Variants in ABCB9 observed in about 807,000 individuals in gnomAD.
ABCB9 encodes ABC-type oligopeptide transporter ABCB9.
Under a neutral mutation model 62.0 loss-of-function variants are expected in ABCB9, and 36 were observed. The ratio of observed to expected loss-of-function variants is 0.58; its 90% CI spans 0.45 to 0.77. The LOEUF (loss-of-function observed/expected upper bound fraction) is 0.77. Among genes scored for constraint, ABCB9 ranks in the 30% least tolerant of loss-of-function variants. ABCB9 has a pLI of 0.00. For synonymous variants in ABCB9, 435 were observed against 461.4 expected, an observed-to-expected ratio of 0.94 and a Z score of 0.73; for missense variants, 943 against 1,054.7, an observed-to-expected ratio of 0.89 and a Z score of 1.47.
chr12:122,960,450 C>T (rs2036834046), intron 1 of ABCB9, 128 bp from the exon 2 acceptor site: 2 of 645,460 alleles, frequency 3.1e-6, no homozygotes, highest in Admixed American at 3.0e-5. Flanking sequence ...GCAATATCAA[C>T]TTCCCGGGTA....
exon 12 of ABCB9, chr12:122,920,973 C>T: frequency 6.6e-7 from 1 of 1,519,904 alleles, no homozygotes; most frequent in South Asian, 1.2e-5. Flanking sequence ...ATGTTTTATA[C>T]CTGAATGGTT....
chr12:122,932,031 C>A lies in ABCB9; in HGVS notation c.2040+161G>T, dbSNP rs537625776. On this transcript the variant is annotated intron_variant, in intron 11 of 11. Transcript: ENST00000280560. This position sits in a 1 kb window ranked among gnomAD's most constrained non-coding sequence, Gnocchi z 4.7. ...AGGCTGGGTCCAGAGTGGCTCCTGG[C>A]TCCCCACTCTCAACACCAGGAATTC... The A allele has an allele frequency of 4.6e-6, 6 of 1,300,732 alleles. No homozygotes were observed. Among genetic ancestry groups the A allele is most frequent in the Admixed American group, 4.1e-5 (2 of 48,254 alleles). The allele number at this position is 1,300,732 out of a possible 1,614,324, so 80.6% of individuals were successfully genotyped here. A position where few individuals can be genotyped will look rare whatever the true frequency, so the allele number is the denominator to read the frequency against.
At chr12:122,936,952 C>T (rs1426003698) in intron 9 of ABCB9, among the ~76,000 whole-genome samples, 1 of 150,602 alleles carries the variant, frequency 6.6e-6, no homozygotes, top group Non-Finnish European at 1.5e-5. Flanking sequence ...CACCTATAGT[C>T]CCTCAGGAGG....
At position 122,940,726 on chromosome 12, in the gene ABCB9, C is replaced by A; in HGVS notation, c.1569+81G>T. On this transcript the variant is annotated intron_variant, in intron 8 of 11. Transcript: ENST00000280560. The surrounding 1 kb of genome is among the most constrained non-coding windows in gnomAD (Gnocchi z 4.8). ...CCTGACATATTCCCAGCTGCCCTGCCACAGCCTGGTGTATAGGAGGTGCAC... is the reference window on the plus strand; with the variant it reads ...CCTGACATATTCCCAGCTGCCCTGCAACAGCCTGGTGTATAGGAGGTGCAC... The A allele has an allele frequency of 6.9e-7, 1 of 1,442,600 alleles. No homozygotes were observed. The highest frequency in any genetic ancestry group is 2.5e-5 in the East Asian group (1 of 40,686). The allele number at this position is 1,442,600 out of a possible 1,614,324, so 89.4% of individuals were successfully genotyped here. A position where few individuals can be genotyped will look rare whatever the true frequency, so the allele number is the denominator to read the frequency against.
At position 122,965,238 on chromosome 12, in the gene ABCB9, G is replaced by A. The variant is rs1267829133; in HGVS notation, c.-88+1049C>T. Among the ~76,000 whole-genome samples the A allele has an allele frequency of 2.6e-5, 4 of 152,174 alleles. No homozygotes were observed. In the East Asian group the frequency reaches 7.7e-4, roughly 29 times the overall value. On this transcript the variant is annotated intron_variant, in intron 1 of 11. Coordinates refer to ENST00000280560, the MANE Select transcript of ABCB9 (RefSeq NM_019625.4). ...TCCAGGGTCTCCAGGATGGAGACTC[G>A]GGGGTCCCCTGTCCAGGCTATTCAG...
At chr12:122,922,918 G>C (rs901873810) in intron 11 of ABCB9, among the ~76,000 whole-genome samples, 1 of 151,684 alleles carries the variant, frequency 6.6e-6, no homozygotes, top group Non-Finnish European at 1.5e-5. Context: ...CCCAGCCTTC[G>C]GAGTAGCTGA....
rs201836809 is a variant in ABCB9 at position 122,948,633 on chromosome 12, C to T, written c.1044G>A (p.Lys348=). The change falls in exon 5 of 12, where the codon AAG becomes AAA. Residue 348 remains lysine, a synonymous_variant. Transcript: ENST00000280560. ...IIMMVSNIYG[K]YYKRLSKEVQ... is the part of the protein sequence containing the mutation. ...GACAGGGCAGGCCTACCTTGTAGTA[C>T]TTGCCGTAGATGTTGGACACCATCA... The T allele has an allele frequency of 1.2e-5, 20 of 1,611,958 alleles. No homozygotes were observed. The East Asian group carries it at 3.8e-4, about 31-fold the overall frequency.
At position 122,960,009 on chromosome 12, in the gene ABCB9, G is replaced by A. The variant is rs777224432; in HGVS notation, c.227C>T (p.Pro76Leu). Residue 76 changes from proline to leucine, a missense_variant, in exon 2 of 12, where the codon CCC becomes CTC. Pro to Leu is a moderately conservative substitution (Grantham distance 98, BLOSUM62 -3). Coordinates refer to ENST00000280560, the MANE Select transcript of ABCB9 (RefSeq NM_019625.4). ...IGVAKNSALG[P>L]RRLRASWLVI... ...CAGCCACGAGGCCCGCAGCCGCCGG[G>A]GCCCCAGCGCACTGTTCTTGGCCAC... 2 of 1,613,326 alleles carry A rather than the reference G, an allele frequency of 1.2e-6. No individual in the cohort carries two copies. The highest frequency in any genetic ancestry group is 1.7e-6 in the Non-Finnish European group (2 of 1,180,036).
Position 122,932,041 on chromosome 12 carries a change from T to G in ABCB9, c.2040+151A>C. 7.1e-7 allele frequency: 1 copy of G among 1,402,210 alleles called. No homozygotes were observed. Among genetic ancestry groups the G allele is most frequent in the Non-Finnish European group, 9.7e-7 (1 of 1,032,418 alleles). The allele number at this position is 1,402,210 out of a possible 1,614,324, so 86.9% of individuals were successfully genotyped here. On this transcript the variant is annotated intron_variant, in intron 11 of 11. Transcript: ENST00000280560. This position sits in a 1 kb window ranked among gnomAD's most constrained non-coding sequence, Gnocchi z 4.7. ...CAGAGTGGCTCCTGGCTCCCCACTC[T>G]CAACACCAGGAATTCACCAGCCCAG...
chr12:122,921,025 G>C, exon 12 of ABCB9: 1 of 1,535,210 alleles, frequency 6.5e-7, no homozygotes, highest in Non-Finnish European at 8.7e-7. Flanking sequence ...TCTGATATCT[G>C]CAGGCTGGTC....
At chr12:122,956,403 G>A (rs1014250998) in intron 2 of ABCB9, among the ~76,000 whole-genome samples, 7 of 152,228 alleles carry the variant, frequency 4.6e-5, no homozygotes, top group African/African-American at 1.7e-4. Context: ...GTACAGGGCT[G>A]CAGAGTCAGG....
At chr12:122,958,350 A>G (rs1405108463) in intron 2 of ABCB9, among the ~76,000 whole-genome samples, 1 of 152,128 alleles carries the variant, frequency 6.6e-6, no homozygotes, top group Non-Finnish European at 1.5e-5. Flanking sequence ...TTAAGTGAAA[A>G]GAGCAAAACA....
downstream of ABCB9, among the ~76,000 whole-genome samples, chr12:122,928,675 G>A (rs965065353): frequency 2.6e-5 from 4 of 152,026 alleles, no homozygotes; most frequent in African/African-American, 9.7e-5. Flanking sequence ...TCGGGTGCCT[G>A]GGCCCCGATG....
At chr12:122,925,613 C>T (rs1203790998), downstream of ABCB9, among the ~76,000 whole-genome samples, 1 of 151,882 alleles carries the variant, frequency 6.6e-6, no homozygotes, top group Non-Finnish European at 1.5e-5. Context: ...CTGGGTGTGG[C>T]GGTGGGCGCC....
chr12:122,936,904 CAAA>C (rs35685959), intron 9 of ABCB9, among the ~76,000 whole-genome samples: 1 of 111,254 alleles, frequency 9.0e-6, no homozygotes, highest in Non-Finnish European at 1.9e-5. Flanking sequence ...AACTCCATCT[CAAA>C]AAAAAAAAAA....
downstream of ABCB9, chr12:122,928,939 G>T: frequency 2.1e-6 from 2 of 942,728 alleles, no homozygotes; most frequent in Non-Finnish European, 2.5e-6. Flanking sequence ...CCGTGGTCTG[G>T]TGGAAAAACC....
intron 9 of ABCB9, among the ~76,000 whole-genome samples, chr12:122,938,941 G>A (rs2035594481): frequency 1.3e-5 from 2 of 152,224 alleles, no homozygotes; most frequent in African/African-American, 4.8e-5. Flanking sequence ...GGAGGCCAAG[G>A]CAGGCTGATC....
rs566204796 is a variant in ABCB9 at position 122,944,971 on chromosome 12, T to TG, written c.1252-453dup. Among the ~76,000 whole-genome samples the TG allele has an allele frequency of 1.4e-4, 21 of 152,298 alleles. 1 individual carries two copies. The South Asian group carries it at 3.5e-3, about 26-fold the overall frequency. On this transcript the variant is annotated intron_variant, in intron 6 of 11. Coordinates refer to ENST00000280560, the MANE Select transcript of ABCB9 (RefSeq NM_019625.4). The surrounding 1 kb of genome is among the most constrained non-coding windows in gnomAD (Gnocchi z 4.9). ...AGCGCCCATGCCTTCCTCCTGTGCC[T>TG]GGGGGGCATCTGGGAAGGGAGTGGA...
chr12:122,935,176 A>G, intron 10 of ABCB9, 96 bp downstream of exon 10: 1 of 1,385,076 alleles, frequency 7.2e-7, no homozygotes, highest in Non-Finnish European at 9.5e-7. Flanking sequence ...CTACAAAAAA[A>G]AGAGCAGGTG....
Sources: gnomAD v4.1 joint callset for allele counts (sites outside exome capture counted in the v4.1 genomes callset) on GRCh38, gnomAD v4.1.1 for gene constraint, Gnocchi (gnomAD v3.1) non-coding constraint, MANE v1.5 for transcripts, NCBI Gene and HGNC (gene_info 2026-07-23, HGNC 2026-07-21) for gene names.